Variants in MSRA observed in about 807,000 individuals in gnomAD.
The protein encoded by MSRA is mitochondrial peptide methionine sulfoxide reductase.
MSRA carries 54 observed loss-of-function variants against 31.3 expected under a neutral mutation model. That is an observed-to-expected ratio of 1.73 (90% CI 1.39 to 2.17). The LOEUF (loss-of-function observed/expected upper bound fraction) is 2.17, where lower values mean the gene tolerates loss of function less well. MSRA is among the 30% of genes most tolerant of loss of function. The probability of loss-of-function intolerance (pLI) is 0.00; values close to 1 mark genes in which losing one functional copy is unlikely to be tolerated. For missense variants in MSRA, 507 were observed against 300.9 expected (o/e 1.69, Z -5.07); for synonymous variants, 169 against 116.5 (o/e 1.45, Z -2.90).
At chr8:10,250,544 A>G (rs983161211) in intron 3 of MSRA, 3 of 691,894 alleles carry the variant, frequency 4.3e-6, no homozygotes, top group Non-Finnish European at 7.9e-6. Flanking sequence ...TAAGATTTAC[A>G]CAAGCAGCAC....
intron 1 of MSRA, among the ~76,000 whole-genome samples, chr8:10,101,474 A>G (rs947855977): frequency 3.3e-5 from 5 of 152,134 alleles, no homozygotes; most frequent in Non-Finnish European, 7.4e-5. Context: ...CAAGCCACAG[A>G]AGTCTTTTCA....
intron 1 of MSRA, among the ~76,000 whole-genome samples, chr8:10,084,738 T>C (rs1447628088): frequency 6.6e-6 from 1 of 152,222 alleles, no homozygotes; most frequent in African/African-American, 2.4e-5. Flanking sequence ...TGTGTGGCTA[T>C]AGTAAGTGCT....
intron 1 of MSRA, among the ~76,000 whole-genome samples, chr8:10,190,989 G>C (rs1218637602): frequency 6.6e-6 from 1 of 152,154 alleles, no homozygotes; most frequent in African/African-American, 2.4e-5. Context: ...TAGTTTTCTG[G>C]TGTCTCATGA....
intron 1 of MSRA, among the ~76,000 whole-genome samples, chr8:10,106,883 C>G (rs1799922740): frequency 6.6e-6 from 1 of 151,902 alleles, no homozygotes; most frequent in African/African-American, 2.4e-5. Context: ...CTACCCCTTC[C>G]CTCCACCCGC....
At chr8:10,408,612 G>T (rs1318425489) in intron 5 of MSRA, among the ~76,000 whole-genome samples, 2 of 152,140 alleles carry the variant, frequency 1.3e-5, no homozygotes, top group African/African-American at 4.8e-5. Context: ...AAATGTAAGG[G>T]GCACAAGTAC....
chr8:10,183,189 C>G (rs532388002), intron 1 of MSRA, among the ~76,000 whole-genome samples: 1 of 152,104 alleles, frequency 6.6e-6, no homozygotes, highest in Non-Finnish European at 1.5e-5. Flanking sequence ...TTGGTACTCC[C>G]TTGACTCCCT....
intron 5 of MSRA, among the ~76,000 whole-genome samples, chr8:10,386,465 A>C (rs1260646153): frequency 6.6e-6 from 1 of 152,216 alleles, no homozygotes. Context: ...ATCATAGACA[A>C]AGCAGTCTAA....
chr8:10,405,268 G>A (rs1314020395), intron 5 of MSRA, among the ~76,000 whole-genome samples: 1 of 151,902 alleles, frequency 6.6e-6, no homozygotes, highest in Non-Finnish European at 1.5e-5. Context: ...TGCAGGATCA[G>A]AGTATTGCCA....
At chr8:10,127,099 T>C (rs1426844215) in intron 1 of MSRA, among the ~76,000 whole-genome samples, 1 of 152,244 alleles carries the variant, frequency 6.6e-6, no homozygotes, top group Non-Finnish European at 1.5e-5. Flanking sequence ...TTCATAACTT[T>C]GTATTCTTAG....
intron 1 of MSRA, among the ~76,000 whole-genome samples, chr8:10,179,599 A>T (rs1806362968): frequency 6.6e-6 from 1 of 152,146 alleles, no homozygotes; most frequent in Non-Finnish European, 1.5e-5. Context: ...CTTTGTTGAC[A>T]TTCCTGGTTT....
chr8:10,062,712 C>G (rs1797267981), intron 1 of MSRA, among the ~76,000 whole-genome samples: 1 of 152,150 alleles, frequency 6.6e-6, no homozygotes, highest in African/African-American at 2.4e-5. Context: ...GGGCTCCGGC[C>G]TACATTTGTG....
chr8:10,206,500 C>G (rs926098282), intron 1 of MSRA, among the ~76,000 whole-genome samples: 1 of 152,198 alleles, frequency 6.6e-6, no homozygotes, highest in Non-Finnish European at 1.5e-5. Context: ...GGCAGCTTCC[C>G]ATGGGTTTGG....
intron 1 of MSRA, among the ~76,000 whole-genome samples, chr8:10,179,360 G>A (rs915092464): frequency 6.6e-6 from 1 of 152,164 alleles, no homozygotes; most frequent in Admixed American, 6.5e-5. Context: ...GTAAGGGTTG[G>A]TGTCTTCATC....
chr8:10,288,708 T>C (rs1800069520), intron 3 of MSRA, among the ~76,000 whole-genome samples: 1 of 152,232 alleles, frequency 6.6e-6, no homozygotes, highest in African/African-American at 2.4e-5. Context: ...AAAAATGTAC[T>C]TACATTTATT....
chr8:10,337,690 ACTC>A (rs1025818896), intron 5 of MSRA: 17 of 701,584 alleles, frequency 2.4e-5, no homozygotes, highest in Non-Finnish European at 4.2e-5. Flanking sequence ...TGAACCTTAT[ACTC>A]CTCCTCTCTC....
intron 5 of MSRA, among the ~76,000 whole-genome samples, chr8:10,349,764 A>G (rs7838901): frequency 0.23 from 35,700 of 152,244 alleles, 4,633 homozygotes; most frequent in African/African-American, 0.33. Flanking sequence ...GGTCTAAGAA[A>G]ACGGCCATCT....
At chr8:10,310,059 C>G (rs186274540) in intron 4 of MSRA, among the ~76,000 whole-genome samples, 4 of 152,336 alleles carry the variant, frequency 2.6e-5, no homozygotes, top group African/African-American at 9.6e-5. Context: ...AGATTAATAT[C>G]TGAACTTCCT....
At chr8:10,369,784 C>G (rs1393490260) in intron 5 of MSRA, among the ~76,000 whole-genome samples, 1 of 152,126 alleles carries the variant, frequency 6.6e-6, no homozygotes, top group Admixed American at 6.5e-5. Context: ...CCAAAAAATA[C>G]TCTTTAAAAA....
At position 10,143,069 on chromosome 8, in the gene MSRA, C is replaced by T. The variant is rs62488734; in HGVS notation, c.143-64764C>T. 4.4e-3 allele frequency among the ~76,000 whole-genome samples: 664 copies of T among 152,178 alleles called. 4 individuals carry two copies. Among genetic ancestry groups the T allele is most frequent in the Admixed American group, 6.9e-3 (105 of 15,292 alleles). On this transcript the variant is annotated intron_variant, in intron 1 of 5. Transcript: ENST00000317173. ...TTTCACTGGGGCATGCTTTGACTTC[C>T]CCAGTTCCCTCCATCAAAGAATTAA...
Sources: allele counts gnomAD v4.1 joint callset (sites outside exome capture counted in the v4.1 genomes callset), GRCh38; gene constraint gnomAD v4.1.1; transcripts MANE v1.5; gene names NCBI Gene and HGNC (gene_info 2026-07-23, HGNC 2026-07-21).